Variants in DMD observed in about 807,000 individuals in gnomAD.
DMD encodes the protein mutant dystrophin.
DMD carries 63 observed loss-of-function variants against 330.1 expected under a neutral mutation model. That is an observed-to-expected ratio of 0.19 (90% CI 0.16 to 0.24). The LOEUF (loss-of-function observed/expected upper bound fraction) is 0.24. DMD is among the 10% of genes least tolerant of loss of function. The pLI is 1.00. For missense variants in DMD, 3,344 were observed against 2,684.1 expected (o/e 1.25, Z -5.43); for synonymous variants, 1,223 against 959.8 (o/e 1.27, Z -5.07).
intron 22 of DMD, among the ~76,000 whole-genome samples, chrX:32,471,869 G>A (rs766508534): frequency 3.6e-5 from 4 of 111,502 alleles, no homozygotes; most frequent in Non-Finnish European, 7.5e-5. Flanking sequence ...TAAAACAATG[G>A]TTTTTCTAAT....
chrX:32,486,844 A>G (rs1428467700), intron 20 of DMD, among the ~76,000 whole-genome samples: 1 of 106,338 alleles, frequency 9.4e-6, no homozygotes, highest in Non-Finnish European at 2.0e-5. Context: ...TTATACAAAA[A>G]TCAATTCAAG....
chrX:33,213,440 G>A (rs1235033592), upstream of DMD, among the ~76,000 whole-genome samples: 2 of 111,470 alleles, frequency 1.8e-5, no homozygotes, highest in East Asian at 5.6e-4. Flanking sequence ...TGAAAGGCAC[G>A]TAAAATAAAA....
intron 44 of DMD, among the ~76,000 whole-genome samples, chrX:32,122,383 C>T (rs951600763): frequency 1.8e-5 from 2 of 111,743 alleles, no homozygotes; most frequent in Non-Finnish European, 3.8e-5. Context: ...GTGAGTATTA[C>T]TGGCCTAGAG....
rs1438703599 is a variant in DMD at position 31,381,632 on chromosome X, CA to C, written c.9085-32999del. On this transcript the variant is annotated intron_variant, in intron 60 of 78. Coordinates refer to ENST00000357033, the MANE Select transcript of DMD (RefSeq NM_004006.3). ...CTGTATCTCTGATCCACCAGACATT[CA>C]ACCCCATTTCCCCATATTTCCTTCT... Among the ~76,000 whole-genome samples the C allele has an allele frequency of 4.4e-4, 49 of 111,095 alleles. No individual in the cohort carries two copies. In the East Asian group the frequency reaches 0.011, roughly 26 times the overall value.
At chrX:32,258,219 C>G (rs1248488696) in intron 43 of DMD, among the ~76,000 whole-genome samples, 3 of 111,778 alleles carry the variant, frequency 2.7e-5, no homozygotes, top group Non-Finnish European at 5.6e-5. Flanking sequence ...GTTGGTGGGA[C>G]TGTAAACTAG....
At chrX:31,626,303 T>C (rs2078844022) in intron 55 of DMD, among the ~76,000 whole-genome samples, 1 of 111,650 alleles carries the variant, frequency 9.0e-6, no homozygotes, top group East Asian at 2.8e-4. Context: ...CACATATCTA[T>C]TAAAATTCTG....
intron 30 of DMD, among the ~76,000 whole-genome samples, chrX:32,406,684 T>A (rs2098118739): frequency 9.0e-6 from 1 of 111,282 alleles, no homozygotes; most frequent in South Asian, 3.8e-4. Flanking sequence ...TTTGCATCGA[T>A]GTTCATCAGG....
intron 54 of DMD, among the ~76,000 whole-genome samples, chrX:31,639,755 C>T (rs1033716999): frequency 3.6e-5 from 4 of 111,288 alleles, no homozygotes; most frequent in Admixed American, 9.6e-5. Flanking sequence ...AATAGAGTTA[C>T]GGCATCATTT....
intron 1 of DMD, among the ~76,000 whole-genome samples, chrX:33,224,084 C>G (rs894769316): frequency 8.9e-6 from 1 of 112,197 alleles, no homozygotes; most frequent in African/African-American, 3.2e-5. Flanking sequence ...TGACACCACC[C>G]AATGCTGGTG....
At chrX:31,447,540 T>C in intron 59 of DMD, among the ~76,000 whole-genome samples, 1 of 111,098 alleles carries the variant, frequency 9.0e-6, no homozygotes, top group Non-Finnish European at 1.9e-5. Flanking sequence ...TGTAATTTAA[T>C]AAAGAAAGAT....
chrX:31,188,105 T>G (rs779271358), intron 67 of DMD, among the ~76,000 whole-genome samples: 1 of 112,276 alleles, frequency 8.9e-6, no homozygotes, highest in African/African-American at 3.2e-5. Context: ...GCAAGATCCA[T>G]CATGTTGGCT....
intron 57 of DMD, among the ~76,000 whole-genome samples, chrX:31,482,752 A>T (rs1326318590): frequency 8.9e-6 from 1 of 111,846 alleles, no homozygotes; most frequent in Admixed American, 9.5e-5. Flanking sequence ...CGACAGGAGG[A>T]CAGAGAGGAT....
chrX:32,447,831 C>T (rs769693403), intron 27 of DMD, among the ~76,000 whole-genome samples: 70 of 111,575 alleles, frequency 6.3e-4, no homozygotes, highest in Non-Finnish European at 1.2e-3. Context: ...TCATTTGAGG[C>T]ACCTGCTTTC....
intron 44 of DMD, among the ~76,000 whole-genome samples, chrX:32,060,169 C>A (rs777842366): frequency 9.0e-6 from 1 of 111,404 alleles, no homozygotes; most frequent in Non-Finnish European, 1.9e-5. Context: ...TTACTGATGA[C>A]CCTAGAAAAT....
intron 1 of DMD, among the ~76,000 whole-genome samples, chrX:33,177,932 C>T (rs769834303): frequency 8.9e-6 from 1 of 111,784 alleles, no homozygotes; most frequent in African/African-American, 3.2e-5. Flanking sequence ...GACTATTGGG[C>T]AAAATACGAA....
chrX:31,748,050 T>A (rs748872190), intron 51 of DMD, among the ~76,000 whole-genome samples: 1 of 111,824 alleles, frequency 8.9e-6, no homozygotes, highest in East Asian at 2.8e-4. Context: ...TAATCATAAA[T>A]AAATCAACAC....
chrX:33,023,154 C>T (rs1030057088), intron 1 of DMD, among the ~76,000 whole-genome samples: 3 of 111,175 alleles, frequency 2.7e-5, no homozygotes, highest in Non-Finnish European at 5.7e-5. Flanking sequence ...TTTTTGTGTC[C>T]ACACTTTTAA....
chrX:31,790,529 T>C (rs757895369), intron 50 of DMD, among the ~76,000 whole-genome samples: 16 of 111,916 alleles, frequency 1.4e-4, no homozygotes, highest in Non-Finnish European at 3.0e-4. Flanking sequence ...TTCAGTGCCA[T>C]GAAAATATAG....
intron 47 of DMD, among the ~76,000 whole-genome samples, chrX:31,925,760 T>C (rs2094763473): frequency 9.2e-6 from 1 of 108,129 alleles, no homozygotes; most frequent in Admixed American, 1.0e-4. Flanking sequence ...TAATCCCAGC[T>C]ACTCGGGAAG....
Sources: allele counts gnomAD v4.1 joint callset (sites outside exome capture counted in the v4.1 genomes callset), GRCh38; gene constraint gnomAD v4.1.1; transcripts MANE v1.5; gene names NCBI Gene and HGNC (gene_info 2026-07-23, HGNC 2026-07-21).